The following FER1L5 variants were observed in gnomAD, a reference collection of about 807,000 sequenced individuals.
FER1L5 encodes fer-1-like protein 5.
FER1L5 carries 187 observed loss-of-function variants against 279.9 expected under a neutral mutation model. The observed-to-expected ratio is 0.67, with a 90% CI of 0.59 to 0.75. FER1L5 has a LOEUF of 0.75. Among genes scored for constraint, FER1L5 ranks in the 30% least tolerant of loss-of-function variants. The probability of loss-of-function intolerance (pLI) is 0.00; values close to 1 mark genes in which losing one functional copy is unlikely to be tolerated. For synonymous variants in FER1L5, 921 were observed against 989.7 expected (o/e 0.93, Z 1.30); for missense variants, 2,091 against 2,594.4 (o/e 0.81, Z 4.21).
At chr2:96,643,001 C>T in intron 1 of FER1L5, 80 bp downstream of exon 1, 1 of 1,210,844 alleles carries the variant, frequency 8.3e-7, no homozygotes, top group Non-Finnish European at 1.1e-6. Context: ...AGGTGTATGG[C>T]ACCCCACTAC....
At chr2:96,688,093 GAA>G in intron 24 of FER1L5, 146 bp downstream of exon 24, 1 of 1,149,092 alleles carries the variant, frequency 8.7e-7, no homozygotes. Flanking sequence ...TGAAGAGGAA[GAA>G]AAAATTCCTG....
rs1320740397 is a variant in FER1L5 at position 96,647,115 on chromosome 2, CA to C, written c.192del (p.Val65SerfsTer26). 6.4e-7 allele frequency: 1 copy of C among 1,551,536 alleles called. No individual in the cohort carries two copies. The highest frequency in any genetic ancestry group is 2.0e-5 in the Admixed American group (1 of 50,978). Reference sequence around the variant, plus strand: ...CCCCCTGGAAAATGACTCCTTCCTGCAAGTCACCCTTCAGGACATGGGCTCA... The same window carrying C: ...CCCCCTGGAAAATGACTCCTTCCTGCAGTCACCCTTCAGGACATGGGCTCA... ...NRPLENDSFL[Q>X]VTLQDMGSQK... On this transcript the variant is annotated frameshift_variant, in exon 3 of 53. Transcript: ENST00000624922. LOFTEE classifies it high-confidence loss of function.
intron 14 of FER1L5, among the ~76,000 whole-genome samples, chr2:96,665,491 C>T (rs1024979364): frequency 1.3e-5 from 2 of 152,188 alleles, no homozygotes; most frequent in Non-Finnish European, 2.9e-5. Context: ...AGCTCCCTCC[C>T]ACCTTTTCCG....
intron 24 of FER1L5, among the ~76,000 whole-genome samples, chr2:96,688,526 C>T (rs924300453): frequency 1.3e-5 from 2 of 152,088 alleles, no homozygotes; most frequent in Non-Finnish European, 2.9e-5. Flanking sequence ...CTTGGCTCCC[C>T]GGGGGAAGGA....
chr2:96,650,052 G>T lies in FER1L5; in HGVS notation c.395-128G>T, dbSNP rs1216697274. On this transcript the variant is annotated intron_variant, in intron 5 of 52. Coordinates refer to ENST00000624922, the MANE Select transcript of FER1L5 (RefSeq NM_001293083.2). ...TGTTCTGGGGAGGACATATGTCACT[G>T]TTGGGGCCTCTTGGCCATGCTTTTA... is the stretch of plus-strand genomic sequence containing the variant. 3 of 723,002 alleles carry T rather than the reference G, an allele frequency of 4.1e-6. No individual in the cohort carries two copies. In the Admixed American group the frequency reaches 6.7e-5, roughly 16 times the overall value. The allele number at this position is 723,002 out of a possible 1,614,324, so 44.8% of individuals were successfully genotyped here.
chr2:96,659,456 T>C (rs772158405), intron 9 of FER1L5, among the ~76,000 whole-genome samples: 318 of 27,408 alleles, frequency 0.012, 14 homozygotes, highest in Non-Finnish European at 0.014. Flanking sequence ...TTTCTTTCTT[T>C]CTTTCTTTCT....
At chr2:96,648,053 C>CAA (rs1489005246) in intron 4 of FER1L5, among the ~76,000 whole-genome samples, 167 bp downstream of exon 4, 2 of 152,226 alleles carry the variant, frequency 1.3e-5, no homozygotes, top group Non-Finnish European at 2.9e-5. Context: ...CCCAACGCAT[C>CAA]TATTTAGATG....
intron 9 of FER1L5, among the ~76,000 whole-genome samples, chr2:96,659,290 T>TGCCTGCCTGCCTGCC (rs2075732527): frequency 8.6e-5 from 7 of 80,942 alleles, no homozygotes; most frequent in African/African-American, 3.4e-4. Context: ...TTTATCAAGC[T>TGCCTGCCTGCCTGCC]TTCCTTCCTT....
At position 96,646,646 on chromosome 2, in the gene FER1L5, C is replaced by T. The variant is rs532053300; in HGVS notation, c.138+193C>T. 3.9e-5 allele frequency among the ~76,000 whole-genome samples: 6 copies of T among 152,286 alleles called. No homozygotes were observed. The South Asian group carries it at 6.2e-4, about 16-fold the overall frequency. On this transcript the variant is annotated intron_variant, in intron 2 of 52. Coordinates refer to ENST00000624922, the MANE Select transcript of FER1L5 (RefSeq NM_001293083.2). ...AGGCTGTGAAGGCCACACCTGCCCA[C>T]GACTGTTCGTGGCCCTTCTCCCCCA...
chr2:96,698,209 C>A lies in FER1L5; in HGVS notation c.4356+53C>A. Reference sequence around the variant, plus strand: ...CCTGTCTCCTTGTGCACCTTCTGTCCCTGGAAAACGAATAAAAGCCCTGGC... The same window carrying A: ...CCTGTCTCCTTGTGCACCTTCTGTCACTGGAAAACGAATAAAAGCCCTGGC... On this transcript the variant is annotated intron_variant, in intron 40 of 52. Coordinates refer to ENST00000624922, the MANE Select transcript of FER1L5 (RefSeq NM_001293083.2). This position sits in a 1 kb window ranked among gnomAD's most constrained non-coding sequence, Gnocchi z 5.5. The A allele has an allele frequency of 6.6e-7, 1 of 1,521,378 alleles. No homozygotes were observed. 94.2% of individuals were successfully genotyped at this position (1,521,378 alleles called of 1,614,324 possible). A position where few individuals can be genotyped will look rare whatever the true frequency, so the allele number is the denominator to read the frequency against.
chr2:96,690,420 A>G, intron 26 of FER1L5, 67 bp from the exon 27 acceptor site: 3 of 1,418,720 alleles, frequency 2.1e-6, no homozygotes, highest in Non-Finnish European at 2.9e-6. Flanking sequence ...AGGTGTGGGA[A>G]GAGGGAGGGA....
At position 96,695,548 on chromosome 2, in the gene FER1L5, T is replaced by TC. The variant is rs758641948; in HGVS notation, c.3787dup (p.Gln1263ProfsTer29). ...CCTTCGGAACATGAAGAAGGCGAGC[T>TC]CCCCCCAGCTCCTGGTGGAATTCGG... On this transcript the variant is annotated frameshift_variant, in exon 35 of 53. Transcript: ENST00000624922. LOFTEE classifies it high-confidence loss of function. 2.1e-5 allele frequency: 33 copies of TC among 1,591,898 alleles called. No homozygotes were observed. In the East Asian group the frequency reaches 7.3e-4, roughly 35 times the overall value.
chr2:96,676,302 GC>G (rs1466966045), intron 19 of FER1L5, among the ~76,000 whole-genome samples: 2 of 152,152 alleles, frequency 1.3e-5, no homozygotes, highest in African/African-American at 4.8e-5. Context: ...CTCCCAAGTA[GC>G]TGGGATTACA....
At chr2:96,674,649 T>TA (rs1025397344) in intron 19 of FER1L5, among the ~76,000 whole-genome samples, 14 of 151,840 alleles carry the variant, frequency 9.2e-5, no homozygotes, top group South Asian at 6.2e-4. Flanking sequence ...ATGAAATATT[T>TA]AAAAAAAAGC....
Position 96,699,107 on chromosome 2 carries a change from G to A in FER1L5, c.4581G>A (p.Gln1527=), listed in dbSNP as rs61744048. 1.2e-6 allele frequency: 2 copies of A among 1,610,958 alleles called. No individual in the cohort carries two copies. The highest frequency in any genetic ancestry group is 1.7e-6 in the Non-Finnish European group (2 of 1,178,732). Residue 1527 remains glutamine (Q), a synonymous_variant, in exon 42 of 53, where the codon CAG becomes CAA. Transcript: ENST00000624922. Reference sequence around the variant, plus strand: ...AGCTTGGCAACCGGGACATGTACCAGCCCAACACTCTGGATCCCATCTTTG... The same window carrying A: ...AGCTTGGCAACCGGGACATGTACCAACCCAACACTCTGGATCCCATCTTTG... ...KTELGNRDMY[Q]PNTLDPIFGM...
Position 96,694,145 on chromosome 2 carries a change from G to A in FER1L5, c.3636+73G>A. The stretch of plus-strand genomic sequence containing the variant: ...TCCCCGTCCCACCCCCAGCCAGCGG[G>A]GGCCAACTCCACCCTGTCAGGAAAT... On this transcript the variant is annotated intron_variant, in intron 33 of 52. Transcript: ENST00000624922. This position sits in a 1 kb window ranked among gnomAD's most constrained non-coding sequence, Gnocchi z 4.6. 1 of 1,478,800 alleles carries A rather than the reference G, an allele frequency of 6.8e-7. No homozygotes were observed. Among genetic ancestry groups the A allele is most frequent in the Admixed American group, 2.2e-5 (1 of 45,418 alleles). The allele number at this position is 1,478,800 out of a possible 1,614,324, so 91.6% of individuals were successfully genotyped here.
In FER1L5 at chr2:96,689,815, C is replaced by T. The variant is rs1387810030; in HGVS notation, c.2640+57C>T. 4.9e-5 allele frequency: 69 copies of T among 1,419,896 alleles called. No homozygotes were observed. In the East Asian group the frequency reaches 1.4e-3, roughly 28 times the overall value. 88.0% of individuals were successfully genotyped at this position (1,419,896 alleles called of 1,614,324 possible). On this transcript the variant is annotated intron_variant, in intron 26 of 52. Coordinates refer to ENST00000624922, the MANE Select transcript of FER1L5 (RefSeq NM_001293083.2). The surrounding 1 kb of genome is among the most constrained non-coding windows in gnomAD (Gnocchi z 4.6). Reference sequence around the variant, plus strand: ...GGGCAAGCAAGGCCACCAGGCGGGGCGCCTTGGAAGCTGGGGGTCCCAGTG... The same window carrying T: ...GGGCAAGCAAGGCCACCAGGCGGGGTGCCTTGGAAGCTGGGGGTCCCAGTG...
chr2:96,691,073 C>A lies in FER1L5; in HGVS notation c.2744-117C>A. On this transcript the variant is annotated intron_variant, in intron 27 of 52. Coordinates refer to ENST00000624922, the MANE Select transcript of FER1L5 (RefSeq NM_001293083.2). The surrounding 1 kb of genome is among the most constrained non-coding windows in gnomAD (Gnocchi z 6.0). ...ACACTCTCCTTTCCACACCTCAGGG[C>A]CAGAGACCTGGATGTGAGGGAAGTA... 1.5e-6 allele frequency: 2 copies of A among 1,310,678 alleles called. No homozygotes were observed. The highest frequency in any genetic ancestry group is 1.5e-5 in the South Asian group (1 of 65,008). 81.2% of individuals were successfully genotyped at this position (1,310,678 alleles called of 1,614,324 possible). A position where few individuals can be genotyped will look rare whatever the true frequency, so the allele number is the denominator to read the frequency against.
rs1230025884 is a variant in FER1L5, at chr2:96,686,387, G to A, written c.2229+37G>A. ...GGACTCCTCAGGGGAGGACAGGGCTGAGAAATGCCCCCAGGGGAGCCCCCT... is the reference window on the plus strand; with the variant it reads ...GGACTCCTCAGGGGAGGACAGGGCTAAGAAATGCCCCCAGGGGAGCCCCCT... On this transcript the variant is annotated intron_variant, in intron 23 of 52. Transcript: ENST00000624922. The A allele has an allele frequency of 2.0e-6, 3 of 1,533,516 alleles. No homozygotes were observed. In the Admixed American group the frequency reaches 6.0e-5, roughly 31 times the overall value. 95.0% of individuals were successfully genotyped at this position (1,533,516 alleles called of 1,614,324 possible).
Sources: allele counts gnomAD v4.1 joint callset (sites outside exome capture counted in the v4.1 genomes callset), GRCh38; gene constraint gnomAD v4.1.1; non-coding constraint Gnocchi (gnomAD v3.1); transcripts MANE v1.5; gene names NCBI Gene and HGNC (gene_info 2026-07-23, HGNC 2026-07-21).